Variants in MACO1 observed in about 807,000 individuals in gnomAD.
The protein encoded by MACO1 is macoilin.
A neutral mutation model predicts 78.7 loss-of-function variants in MACO1; 14 were observed. The ratio of observed to expected loss-of-function variants is 0.18; its 90% confidence interval spans 0.12 to 0.28. The LOEUF (loss-of-function observed/expected upper bound fraction) is 0.28, where lower values mean the gene tolerates loss of function less well. MACO1 is among the 10% of genes least tolerant of loss of function. MACO1 has a pLI of 1.00. For missense variants in MACO1, 501 were observed against 799.0 expected, an observed-to-expected ratio of 0.63 and a Z score of 4.50; for synonymous variants, 288 against 291.6, an observed-to-expected ratio of 0.99 and a Z score of 0.12.
intron 1 of MACO1, among the ~76,000 whole-genome samples, chr1:25,442,829 A>G (rs1003770755): frequency 6.6e-6 from 1 of 152,140 alleles, no homozygotes; most frequent in Non-Finnish European, 1.5e-5. Flanking sequence ...CCATCAGAAG[A>G]TGTTATTCAT....
At chr1:25,477,662 C>A (rs2043334146) in intron 6 of MACO1, among the ~76,000 whole-genome samples, 1 of 152,182 alleles carries the variant, frequency 6.6e-6, no homozygotes, top group South Asian at 2.1e-4. Flanking sequence ...AGAAAAAGGT[C>A]TGCTTCTTTT....
chr1:25,431,277 G>A (rs1259908403), intron 1 of MACO1, 99 bp downstream of exon 1: 3 of 884,704 alleles, frequency 3.4e-6, no homozygotes, highest in African/African-American at 1.8e-5. Context: ...TAGGCCGCAC[G>A]CCCGCGCCGG....
At chr1:25,488,476 C>T (rs143521499) in intron 8 of MACO1, among the ~76,000 whole-genome samples, 204 of 152,236 alleles carry the variant, frequency 1.3e-3, no homozygotes, top group Admixed American at 4.1e-3. Context: ...TCCCACAATA[C>T]AAGTAAACCT....
At chr1:25,481,682 C>G (rs1472583026) in intron 6 of MACO1, among the ~76,000 whole-genome samples, 2 of 152,168 alleles carry the variant, frequency 1.3e-5, no homozygotes, top group African/African-American at 2.4e-5. Flanking sequence ...GAATGAGAGA[C>G]AGTATGGTGA....
Position 25,458,580 on chromosome 1 carries a change from C to G in MACO1, c.842C>G (p.Ser281Cys). 1 of 1,613,570 alleles carries G rather than the reference C, an allele frequency of 6.2e-7. No individual in the cohort carries two copies. The highest frequency in any genetic ancestry group is 2.2e-5 in the East Asian group (1 of 44,864). Residue 281 changes from serine (S) to cysteine (C), a missense_variant, in exon 6 of 11, where the codon TCT becomes TGT. By Grantham distance (112) the Ser-to-Cys change is moderately radical. This residue lies in a region of MACO1 where 90 missense variants were observed against 85.7 expected (regional missense o/e 1.05). Transcript: ENST00000374343. ...NNNNILQPVDSKIQEIEYMEN... is the reference protein window; with the variant it reads ...NNNNILQPVDCKIQEIEYMEN... ...AACAATATTCTACAACCTGTAGACT[C>G]TAAAATACAAGAGATTGAGTATATG...
At chr1:25,476,188 A>G (rs145121145) in intron 6 of MACO1, among the ~76,000 whole-genome samples, 43 of 152,340 alleles carry the variant, frequency 2.8e-4, no homozygotes, top group African/African-American at 9.6e-4. Flanking sequence ...TAAGTACCCT[A>G]TTTCCCTAAA....
rs769739242 is a variant in MACO1, at chr1:25,485,057, G to A, written c.1314-556G>A. ...GGGGTGGTAGTAAGCAGGAAATATG[G>A]CTGAAATTTCTATCTGAAATTAAGC... On this transcript the variant is annotated intron_variant, in intron 7 of 10. Transcript: ENST00000374343. This position sits in a 1 kb window ranked among gnomAD's most constrained non-coding sequence, Gnocchi z 4.3. Among the ~76,000 whole-genome samples the A allele has an allele frequency of 1.3e-4, 20 of 152,152 alleles. No individual in the cohort carries two copies. The highest frequency in any genetic ancestry group is 3.4e-4 in the African/African-American group (14 of 41,424).
intron 2 of MACO1, 141 bp downstream of exon 2, chr1:25,447,044 C>A: frequency 9.8e-7 from 1 of 1,015,290 alleles, no homozygotes; most frequent in Non-Finnish European, 1.4e-6. Flanking sequence ...ACTATTTTGT[C>A]TAAACCCATT....
intron 3 of MACO1, among the ~76,000 whole-genome samples, chr1:25,451,334 AAG>A (rs1169454095): frequency 2.0e-5 from 3 of 152,192 alleles, no homozygotes; most frequent in Admixed American, 6.5e-5. Flanking sequence ...CCTGGTGGTT[AAG>A]AGGGGAAAAA....
intron 4 of MACO1, among the ~76,000 whole-genome samples, chr1:25,454,701 C>T (rs1392899907): frequency 1.3e-5 from 2 of 151,554 alleles, no homozygotes; most frequent in Admixed American, 6.6e-5. Context: ...AGACTGGTCT[C>T]GAACTCCTGA....
Position 25,499,542 on chromosome 1 carries a change from A to G in MACO1, c.*1076A>G, listed in dbSNP as rs1571997413. Reference sequence around the variant, plus strand: ...TTTAAAAGAAGCTTGACTATTCCTCAGCTCTTGTGCCAAGGAGGGTTTTTT... The same window carrying G: ...TTTAAAAGAAGCTTGACTATTCCTCGGCTCTTGTGCCAAGGAGGGTTTTTT... On this transcript the variant is annotated 3_prime_UTR_variant, in exon 11 of 11. Coordinates refer to ENST00000374343, the MANE Select transcript of MACO1 (RefSeq NM_018202.6). 1 of 147,778 alleles carries G rather than the reference A, an allele frequency of 6.8e-6. No individual in the cohort carries two copies. Among genetic ancestry groups the G allele is most frequent in the East Asian group, 2.0e-4 (1 of 5,102 alleles). 9.2% of individuals were successfully genotyped at this position (147,778 alleles called of 1,614,324 possible). A position where few individuals can be genotyped will look rare whatever the true frequency, so the allele number is the denominator to read the frequency against.
chr1:25,485,564 G>T lies in MACO1; in HGVS notation c.1314-49G>T, dbSNP rs2043422095. The T allele has an allele frequency of 6.3e-7, 1 of 1,576,478 alleles. No homozygotes were observed. Among genetic ancestry groups the T allele is most frequent in the Non-Finnish European group, 8.6e-7 (1 of 1,160,904 alleles). On this transcript the variant is annotated intron_variant, in intron 7 of 10. Coordinates refer to ENST00000374343, the MANE Select transcript of MACO1 (RefSeq NM_018202.6). This position sits in a 1 kb window ranked among gnomAD's most constrained non-coding sequence, Gnocchi z 4.3. ...AAGAGATGTTTCTCAAGGGTTTATA[G>T]TGGGCATTTGTAATTTTAAGACTTT...
At chr1:25,490,417 C>T (rs1042902875) in intron 9 of MACO1, among the ~76,000 whole-genome samples, 50 of 152,184 alleles carry the variant, frequency 3.3e-4, no homozygotes, top group African/African-American at 1.2e-3. Flanking sequence ...TCATTTTTCT[C>T]CTATGAAATT....
chr1:25,456,757 A>G lies in MACO1; in HGVS notation c.578A>G (p.Tyr193Cys). The change falls in exon 5 of 11, where the codon TAC becomes TGC. Residue 193 changes from tyrosine to cysteine, a missense_variant. Tyr to Cys is a radical substitution (Grantham distance 194, BLOSUM62 -2). This residue lies in a region of MACO1 where 171 missense variants were observed against 292.1 expected (regional missense o/e 0.59). Coordinates refer to ENST00000374343, the MANE Select transcript of MACO1 (RefSeq NM_018202.6). ...QKEVQKENEF[Y>C]MQLLQQALPP... ...GAAGTACAAAAAGAGAACGAGTTTT[A>G]CATGCAACTTCTTCAACAAGCTCTC... 6.2e-7 allele frequency: 1 copy of G among 1,614,094 alleles called. No homozygotes were observed.
At chr1:25,464,768 T>G (rs1404489593) in intron 6 of MACO1, among the ~76,000 whole-genome samples, 1 of 150,386 alleles carries the variant, frequency 6.6e-6, no homozygotes, top group Admixed American at 6.7e-5. Flanking sequence ...GTGATTCTCC[T>G]GTCTTAGCCT....
chr1:25,453,756 G>C (rs971237164), intron 3 of MACO1, among the ~76,000 whole-genome samples: 2 of 151,606 alleles, frequency 1.3e-5, no homozygotes, highest in Non-Finnish European at 2.9e-5. Context: ...TATCTAAAAT[G>C]GTTGTCCCAA....
chr1:25,492,324 T>C (rs1050993368), intron 10 of MACO1, among the ~76,000 whole-genome samples: 1 of 151,952 alleles, frequency 6.6e-6, no homozygotes, highest in African/African-American at 2.4e-5. Context: ...GTTGGTGCAA[T>C]GATAGAAATA....
At chr1:25,449,006 A>C in intron 3 of MACO1, 72 bp downstream of exon 3, 2 of 1,328,650 alleles carry the variant, frequency 1.5e-6, no homozygotes, top group Non-Finnish European at 9.8e-7. Context: ...ATTTCTTTGA[A>C]TACATTATTT....
chr1:25,439,792 G>A (rs1245603777), intron 1 of MACO1, among the ~76,000 whole-genome samples: 1 of 152,010 alleles, frequency 6.6e-6, no homozygotes, highest in Non-Finnish European at 1.5e-5. Context: ...GCTGAGACAG[G>A]TGGATCACTT....
Sources: allele counts gnomAD v4.1 joint callset (sites outside exome capture counted in the v4.1 genomes callset), GRCh38; gene constraint gnomAD v4.1.1; regional missense constraint gnomAD v4.1.1; non-coding constraint Gnocchi (gnomAD v3.1); transcripts MANE v1.5; gene names NCBI Gene and HGNC (gene_info 2026-07-23, HGNC 2026-07-21).